SETX: variants seen among roughly 807,000 people sequenced by gnomAD.
SETX encodes helicase senataxin.
A neutral mutation model predicts 227.2 loss-of-function variants in SETX; 90 were observed. The observed-to-expected ratio is 0.40, with a 90% CI of 0.33 to 0.47. The LOEUF (loss-of-function observed/expected upper bound fraction) is 0.47. Ranked by LOEUF, SETX falls within the 20% of genes least tolerant of loss-of-function variation. The probability of loss-of-function intolerance (pLI) is 0.91; values close to 1 mark genes in which losing one functional copy is unlikely to be tolerated. For synonymous variants in SETX, 1,210 were observed against 1,113.2 expected, an observed-to-expected ratio of 1.09 and a Z score of -1.73; for missense variants, 3,052 against 3,181.5, an observed-to-expected ratio of 0.96 and a Z score of 0.98.
rs920417670 is a variant in SETX, at chr9:132,327,311, C to T, written c.4287G>A (p.Gly1429=). Residue 1429 remains glycine (G), a synonymous_variant, in exon 10 of 26, where the codon GGG becomes GGA. Transcript: ENST00000224140. ...SEPETIKAKH[G]SPATDDACPL... ...GGCAAGCATCATCAGTTGCTGGAGA[C>T]CCATGTTTTGCTTTTATGGTTTCTG... 1.9e-6 allele frequency: 3 copies of T among 1,614,068 alleles called. No individual in the cohort carries two copies. Among genetic ancestry groups the T allele is most frequent in the African/African-American group, 2.7e-5 (2 of 74,928 alleles).
intron 11 of SETX, among the ~76,000 whole-genome samples, chr9:132,306,488 A>G (rs1325982645): frequency 1.3e-5 from 2 of 152,208 alleles, no homozygotes; most frequent in Non-Finnish European, 2.9e-5. Context: ...CTGGGATTGC[A>G]GGTGTGAGCC....
chr9:132,337,308 G>C (rs1678691054), intron 5 of SETX, among the ~76,000 whole-genome samples: 3 of 151,466 alleles, frequency 2.0e-5, no homozygotes, highest in Non-Finnish European at 4.4e-5. Flanking sequence ...TCCAAAAAAG[G>C]AAAGAAAACA....
intron 16 of SETX, 87 bp downstream of exon 16, chr9:132,288,463 G>A: frequency 7.1e-7 from 1 of 1,414,136 alleles, no homozygotes; most frequent in Non-Finnish European, 9.9e-7. Flanking sequence ...ACTAATTCTG[G>A]AGGCTTCAAA....
Position 132,336,289 on chromosome 9 carries a change from T to C in SETX, c.718+7A>G, listed in dbSNP as rs373373757. 16 of 1,599,216 alleles carry C rather than the reference T, an allele frequency of 1.0e-5. No individual in the cohort carries two copies. The highest frequency in any genetic ancestry group is 1.4e-5 in the Non-Finnish European group (16 of 1,166,544). On this transcript the variant is annotated splice_region_variant and intron_variant, in intron 6 of 25. Transcript: ENST00000224140. The stretch of plus-strand genomic sequence containing the variant: ...ACCAATTATATTAGTGTAGGAATAA[T>C]ACTCACCTAACCAATAGCTTTTGTA...
At chr9:132,287,318 T>C (rs1242843059) in intron 17 of SETX, among the ~76,000 whole-genome samples, 2 of 152,066 alleles carry the variant, frequency 1.3e-5, no homozygotes, top group Non-Finnish European at 2.9e-5. Flanking sequence ...ACCCAGTTTC[T>C]ACAGAAAACA....
Position 132,316,514 on chromosome 9 carries a change from C to T in SETX, c.5275-4658G>A, listed in dbSNP as rs140678054. On this transcript the variant is annotated intron_variant, in intron 10 of 25. Transcript: ENST00000224140. The stretch of plus-strand genomic sequence containing the variant: ...ATGCTTTTTATGTTTTTATGATTAC[C>T]TTCATCACCTAAACTGACATTTTGA... 7.9e-3 allele frequency among the ~76,000 whole-genome samples: 1,210 copies of T among 152,234 alleles called. 5 individuals carry two copies. Among genetic ancestry groups the T allele is most frequent in the Non-Finnish European group, 0.012 (834 of 68,012 alleles).
intron 15 of SETX, 74 bp downstream of exon 15, chr9:132,295,793 TCTTTC>T (rs1414822275): frequency 6.0e-6 from 8 of 1,333,340 alleles, no homozygotes; most frequent in Middle Eastern, 2.4e-4. Context: ...ACTGGCCTGC[TCTTTC>T]CTTTGTCATT....
chr9:132,322,679 T>C (rs1034751189), intron 10 of SETX, among the ~76,000 whole-genome samples: 18 of 152,200 alleles, frequency 1.2e-4, no homozygotes, highest in African/African-American at 3.1e-4. Flanking sequence ...CAATCTACTC[T>C]TTAGTTTCCT....
intron 2 of SETX, among the ~76,000 whole-genome samples, chr9:132,351,520 G>A (rs751418680): frequency 2.0e-4 from 31 of 152,276 alleles, no homozygotes; most frequent in Non-Finnish European, 3.8e-4. Flanking sequence ...AAAATATATA[G>A]GAGTTACTAC....
chr9:132,334,875 A>T, intron 6 of SETX, 148 bp from the exon 7 acceptor site: 1 of 825,310 alleles, frequency 1.2e-6, no homozygotes, highest in Non-Finnish European at 2.0e-6. Flanking sequence ...TTCATACACA[A>T]CTGCTCCCAA....
intron 12 of SETX, 75 bp from the exon 13 acceptor site, chr9:132,298,387 A>G: frequency 8.3e-7 from 1 of 1,205,258 alleles, no homozygotes; most frequent in Non-Finnish European, 1.2e-6. Context: ...GTCATGCAGA[A>G]TTAGGTATTT....
intron 11 of SETX, among the ~76,000 whole-genome samples, chr9:132,307,478 G>C (rs1473710006): frequency 6.6e-6 from 1 of 151,780 alleles, no homozygotes; most frequent in African/African-American, 2.4e-5. Flanking sequence ...CTAAAATATA[G>C]CAAGGCTCCT....
rs971144657 is a variant in SETX, at chr9:132,283,495, C to T, written c.6397-82G>A. 52 of 1,486,144 alleles carry T rather than the reference C, an allele frequency of 3.5e-5. No individual in the cohort carries two copies. The African/African-American group carries it at 6.9e-4, about 20-fold the overall frequency. 92.1% of individuals were successfully genotyped at this position (1,486,144 alleles called of 1,614,324 possible). A position where few individuals can be genotyped will look rare whatever the true frequency, so the allele number is the denominator to read the frequency against. On this transcript the variant is annotated intron_variant, in intron 18 of 25. Transcript: ENST00000224140. ...AGGCCTATGTTTACTATAAAACACT[C>T]ACTATTTATTAAAATAGATTTATGA...
At chr9:132,338,312 C>T (rs1323337159) in intron 5 of SETX, among the ~76,000 whole-genome samples, 7 of 151,960 alleles carry the variant, frequency 4.6e-5, no homozygotes, top group South Asian at 4.1e-4. Context: ...AGGCTGGTCT[C>T]GAACTCCTGA....
intron 15 of SETX, among the ~76,000 whole-genome samples, chr9:132,295,415 TG>T (rs1424610653): frequency 6.6e-6 from 1 of 152,222 alleles, no homozygotes; most frequent in African/African-American, 2.4e-5. Flanking sequence ...CCTAATGCTC[TG>T]GGAACCTCAA....
chr9:132,289,167 G>T (rs967364504), intron 15 of SETX, among the ~76,000 whole-genome samples: 3 of 152,080 alleles, frequency 2.0e-5, no homozygotes, highest in African/African-American at 7.2e-5. Flanking sequence ...AATGTGACCT[G>T]CTCTCCTATC....
At chr9:132,272,383 A>G (rs1460546387) in intron 23 of SETX, among the ~76,000 whole-genome samples, 1 of 151,564 alleles carries the variant, frequency 6.6e-6, no homozygotes, top group African/African-American at 2.4e-5. Flanking sequence ...CCCTGGCCCC[A>G]AGCAATCCTT....
chr9:132,293,181 T>C (rs1415664310), intron 15 of SETX, among the ~76,000 whole-genome samples: 4 of 152,082 alleles, frequency 2.6e-5, no homozygotes, highest in Non-Finnish European at 5.9e-5. Context: ...TAAAGAAAAT[T>C]TTCATTACCA....
intron 24 of SETX, among the ~76,000 whole-genome samples, chr9:132,270,204 G>A (rs1221048149): frequency 6.6e-6 from 1 of 150,408 alleles, no homozygotes; most frequent in Non-Finnish European, 1.5e-5. Flanking sequence ...GCGTGCCCAT[G>A]TGAGACACAG....
Sources: allele counts gnomAD v4.1 joint callset (sites outside exome capture counted in the v4.1 genomes callset), GRCh38; gene constraint gnomAD v4.1.1; transcripts MANE v1.5; gene names NCBI Gene and HGNC (gene_info 2026-07-23, HGNC 2026-07-21).